The following RGS7 variants were observed in gnomAD, a reference collection of about 807,000 sequenced individuals.
RGS7 encodes the protein regulator of G-protein signaling 7.
Under a neutral mutation model 81.1 loss-of-function variants are expected in RGS7, and 27 were observed. The observed-to-expected ratio is 0.33, with a 90% CI of 0.25 to 0.46. The LOEUF is 0.46. Among genes scored for constraint, RGS7 ranks in the 20% least tolerant of loss-of-function variants. The pLI is 1.00. For synonymous variants in RGS7, 208 were observed against 207.7 expected (o/e 1.00, Z -0.01); for missense variants, 396 against 607.4 (o/e 0.65, Z 3.66).
chr1:241,257,007 T>A (rs1474987677), intron 2 of RGS7, among the ~76,000 whole-genome samples: 1 of 150,364 alleles, frequency 6.7e-6, no homozygotes, highest in African/African-American at 2.5e-5. Context: ...TGTGTATATA[T>A]GTGTGTGTGT....
In RGS7 at chr1:241,086,562, T is replaced by C. The variant is rs570764545; in HGVS notation, c.175+12104A>G. Among the ~76,000 whole-genome samples, 4 of 152,054 alleles carry C rather than the reference T, an allele frequency of 2.6e-5. No individual in the cohort carries two copies. The South Asian group carries it at 8.3e-4, about 32-fold the overall frequency. ...TCTCTGCTCTAGACTACAGCCACAG[T>C]ACCCAGCCTTGTCTCCCTTTTCTAC... On this transcript the variant is annotated intron_variant, in intron 3 of 18. Transcript: ENST00000440928.
chr1:241,212,655 G>C (rs546395338), intron 2 of RGS7, among the ~76,000 whole-genome samples: 9 of 152,272 alleles, frequency 5.9e-5, no homozygotes, highest in African/African-American at 2.2e-4. Flanking sequence ...ATATCATTCA[G>C]ACCCATCTCT....
intron 2 of RGS7, among the ~76,000 whole-genome samples, chr1:241,111,233 A>C (rs1052191726): frequency 2.0e-5 from 3 of 152,192 alleles, no homozygotes; most frequent in Admixed American, 1.3e-4. Context: ...ATTATCTGCT[A>C]GTTGAATTCA....
intron 2 of RGS7, among the ~76,000 whole-genome samples, chr1:241,195,763 G>T (rs2073022699): frequency 6.9e-6 from 1 of 145,046 alleles, no homozygotes; most frequent in African/African-American, 2.7e-5. Context: ...TAGTGAATTG[G>T]AAGATAGGTC....
intron 3 of RGS7, among the ~76,000 whole-genome samples, chr1:240,994,764 A>C (rs1687018068): frequency 6.6e-6 from 1 of 152,012 alleles, no homozygotes; most frequent in Non-Finnish European, 1.5e-5. Context: ...TTTTACAACT[A>C]CATATAAAGT....
chr1:241,016,408 T>C (rs1370534024), intron 3 of RGS7, among the ~76,000 whole-genome samples: 2 of 151,808 alleles, frequency 1.3e-5, no homozygotes, highest in African/African-American at 2.4e-5. Context: ...GTCTCAGCTA[T>C]TTGGGAGGCT....
intron 2 of RGS7, among the ~76,000 whole-genome samples, chr1:241,334,319 T>C (rs943188168): frequency 6.6e-6 from 1 of 152,100 alleles, no homozygotes; most frequent in African/African-American, 2.4e-5. Context: ...AATAGCAAGA[T>C]TCATCCTCAG....
chr1:240,944,551 T>C (rs905153046), intron 4 of RGS7, among the ~76,000 whole-genome samples: 5 of 151,946 alleles, frequency 3.3e-5, no homozygotes, highest in Non-Finnish European at 7.4e-5. Flanking sequence ...ATTAACTTTT[T>C]AGTAGGCAGA....
intron 2 of RGS7, among the ~76,000 whole-genome samples, chr1:241,128,412 TG>T (rs762877246): frequency 6.6e-6 from 1 of 151,906 alleles, no homozygotes; most frequent in Non-Finnish European, 1.5e-5. Context: ...GGTAAAACCC[TG>T]TCTCTACTAA....
intron 3 of RGS7, among the ~76,000 whole-genome samples, chr1:240,995,546 G>A (rs993969370): frequency 5.9e-5 from 9 of 152,018 alleles, no homozygotes; most frequent in African/African-American, 2.2e-4. Context: ...TTTCATACAG[G>A]GTGAGTTGTA....
rs56232293 is a variant in RGS7 at position 240,932,513 on chromosome 1, C to CTTTTTTTTTTT, written c.334-1756_334-1746dup. Among the ~76,000 whole-genome samples, 30 of 126,862 alleles carry CTTTTTTTTTTT rather than the reference C, an allele frequency of 2.4e-4. 7 individuals are homozygous for CTTTTTTTTTTT. Among genetic ancestry groups the CTTTTTTTTTTT allele is most frequent in the Middle Eastern group, 4.6e-3 (1 of 216 alleles). 83.2% of individuals were successfully genotyped at this position (126,862 alleles called of 152,430 possible). A position where few individuals can be genotyped will look rare whatever the true frequency, so the allele number is the denominator to read the frequency against. On this transcript the variant is annotated intron_variant, in intron 5 of 18. Coordinates refer to ENST00000440928, the MANE Select transcript of RGS7 (RefSeq NM_001364886.1). ...AACTTTGCTTTCATGTAGGGTGTCA[C>CTTTTTTTTTTT]TTTTTTTTTTTTTGAGACAGGGTCT...
rs143833999 is a variant in RGS7, at chr1:241,325,324, A to C, written c.78+30375T>G. On this transcript the variant is annotated intron_variant, in intron 2 of 18. Transcript: ENST00000440928. ...TTGAGCGATCACAGTGATCCAAACT[A>C]GCAGAGGATCCTTGTGCCTATTAGT... 6.7e-3 allele frequency among the ~76,000 whole-genome samples: 1,026 copies of C among 152,362 alleles called. 11 individuals are homozygous for C. Among genetic ancestry groups the C allele is most frequent in the Middle Eastern group, 0.01 (3 of 294 alleles).
intron 2 of RGS7, 130 bp downstream of exon 2, chr1:241,355,569 A>C: frequency 1.2e-6 from 1 of 819,022 alleles, no homozygotes; most frequent in Non-Finnish European, 2.1e-6. Context: ...TCACGTATAT[A>C]GTACATAATC....
At chr1:241,350,932 A>G (rs1276846771) in intron 2 of RGS7, among the ~76,000 whole-genome samples, 1 of 152,172 alleles carries the variant, frequency 6.6e-6, no homozygotes, top group Non-Finnish European at 1.5e-5. Flanking sequence ...AGTCTCTTCC[A>G]GAGAAGAAAT....
chr1:241,296,326 A>G (rs2079423085), intron 2 of RGS7, among the ~76,000 whole-genome samples: 1 of 152,196 alleles, frequency 6.6e-6, no homozygotes, highest in Non-Finnish European at 1.5e-5. Flanking sequence ...TCAACACTGC[A>G]GAGTAGGAAA....
chr1:241,186,376 G>T, intron 2 of RGS7: 2 of 337,082 alleles, frequency 5.9e-6, no homozygotes, highest in Non-Finnish European at 8.5e-6. Flanking sequence ...TTCACATTTT[G>T]ATTAAGTCCA....
intron 3 of RGS7, among the ~76,000 whole-genome samples, chr1:241,028,217 T>C (rs1005696078): frequency 1.3e-5 from 2 of 152,172 alleles, no homozygotes; most frequent in Admixed American, 6.5e-5. Context: ...GACTCAACCA[T>C]AGAGTTCTCA....
At chr1:240,776,304 G>A in intron 18 of RGS7, 91 bp from the exon 19 acceptor site, 2 of 969,824 alleles carry the variant, frequency 2.1e-6, no homozygotes, top group Non-Finnish European at 3.4e-6. Flanking sequence ...TACTGTAGCT[G>A]ATTTTTGTGC....
chr1:241,336,454 A>T (rs1482948928), intron 2 of RGS7, among the ~76,000 whole-genome samples: 1 of 152,236 alleles, frequency 6.6e-6, no homozygotes, highest in Non-Finnish European at 1.5e-5. Flanking sequence ...CCTAAAACAT[A>T]GGAATCCAGA....
Sources: allele counts gnomAD v4.1 joint callset (sites outside exome capture counted in the v4.1 genomes callset), GRCh38; gene constraint gnomAD v4.1.1; transcripts MANE v1.5; gene names NCBI Gene and HGNC (gene_info 2026-07-23, HGNC 2026-07-21).